The following GPR89B variants were observed in gnomAD, a reference collection of about 807,000 sequenced individuals.
GPR89B encodes the protein golgi pH regulator B.
In GPR89B, 25 loss-of-function variants were observed where a neutral mutation model predicts 52.4. The observed-to-expected ratio is 0.48, with a 90% CI of 0.35 to 0.67. The LOEUF (loss-of-function observed/expected upper bound fraction) is 0.67, where lower values mean the gene tolerates loss of function less well. GPR89B is among the 30% of genes least tolerant of loss of function. The pLI, the probability that GPR89B is intolerant of heterozygous loss-of-function variation, is 0.01. For synonymous variants in GPR89B, 52 were observed against 151.2 expected, an observed-to-expected ratio of 0.34 and a Z score of 4.81; for missense variants, 146 against 450.2, an observed-to-expected ratio of 0.32 and a Z score of 6.11.
At chr1:148,007,137 G>T in the GPR89B span, among the ~76,000 whole-genome samples, 1 of 136,802 alleles carries the variant, frequency 7.3e-6, no homozygotes, top group Non-Finnish European at 1.5e-5. Context: ...GTGCAGTGGC[G>T]CAATCTGAGC....
At chr1:148,007,341 C>G in the GPR89B span, among the ~76,000 whole-genome samples, 1 of 152,172 alleles carries the variant, frequency 6.6e-6, no homozygotes, top group Non-Finnish European at 1.5e-5. Flanking sequence ...TCCCAAAGTG[C>G]TGGGATTACA....
intron 11 of GPR89B, among the ~76,000 whole-genome samples, chr1:147,988,169 A>G (rs2149094402): frequency 6.6e-6 from 1 of 151,846 alleles, no homozygotes; most frequent in East Asian, 1.9e-4. Context: ...CCTGAACTAC[A>G]TAGCAAGACC....
chr1:147,998,443 A>T (rs1368848074), downstream of GPR89B, among the ~76,000 whole-genome samples: 15 of 149,478 alleles, frequency 1.0e-4, no homozygotes, highest in African/African-American at 2.9e-4. Context: ...TCCACAATGG[A>T]GCCTTTCTCT....
At chr1:148,009,940 C>G in the GPR89B span, among the ~76,000 whole-genome samples, 7 of 151,930 alleles carry the variant, frequency 4.6e-5, no homozygotes, top group African/African-American at 1.7e-4. Flanking sequence ...AGAGGAGATT[C>G]GGACATGAGA....
chr1:147,959,153 G>A (rs1357884397), intron 7 of GPR89B, among the ~76,000 whole-genome samples: 1 of 152,080 alleles, frequency 6.6e-6, no homozygotes, highest in African/African-American at 2.4e-5. Context: ...CATTTGTTAT[G>A]TACAAAAAAG....
the GPR89B span, among the ~76,000 whole-genome samples, chr1:148,024,912 A>G: frequency 6.6e-6 from 1 of 152,108 alleles, no homozygotes; most frequent in East Asian, 1.9e-4. Context: ...CTGTGGATGG[A>G]AACACCATCC....
chr1:148,020,416 C>T, the GPR89B span, among the ~76,000 whole-genome samples: 1 of 150,708 alleles, frequency 6.6e-6, no homozygotes, highest in East Asian at 1.9e-4. Context: ...AATCTTGACT[C>T]CTGTTCCCAA....
At chr1:147,968,809 T>C (rs1657218194) in intron 8 of GPR89B, 66 bp from the exon 9 acceptor site, 3 of 1,612,688 alleles carry the variant, frequency 1.9e-6, no homozygotes, top group Non-Finnish European at 2.5e-6. Context: ...TAAAAGTATA[T>C]GCTTTCTCAT....
chr1:147,929,825 G>A (rs1455490098), intron 1 of GPR89B, among the ~76,000 whole-genome samples: 5 of 151,940 alleles, frequency 3.3e-5, no homozygotes, highest in African/African-American at 1.2e-4. Flanking sequence ...CTTTTCTATA[G>A]TTTTCATAAG....
downstream of GPR89B, among the ~76,000 whole-genome samples, chr1:147,997,821 ATGGTCACATAT>A (rs1370019952): frequency 0.028 from 4,203 of 152,242 alleles, 148 homozygotes; most frequent in African/African-American, 0.095. Context: ...CAGCTGTTAT[ATGGTCACATAT>A]TGTAACAAAA....
At chr1:148,009,412 T>G in the GPR89B span, 12 of 1,611,608 alleles carry the variant, frequency 7.4e-6, no homozygotes, top group East Asian at 2.5e-4. Context: ...CGGGGCTGGG[T>G]CCAAGTTTGC....
chr1:147,997,355 C>T (rs1252561600), downstream of GPR89B, among the ~76,000 whole-genome samples: 1 of 152,176 alleles, frequency 6.6e-6, no homozygotes, highest in Non-Finnish European at 1.5e-5. Flanking sequence ...GAGTGAACTA[C>T]AGAAAAGGCA....
At chr1:147,962,224 G>A (rs1358143948) in intron 7 of GPR89B, among the ~76,000 whole-genome samples, 3 of 150,784 alleles carry the variant, frequency 2.0e-5, no homozygotes, top group Admixed American at 2.0e-4. Context: ...AGGAGTTTGA[G>A]ACCATCCTGA....
chr1:147,993,080 AC>A lies in GPR89B; in HGVS notation c.*165del, dbSNP rs1261521527. 2 of 1,554,710 alleles carry A rather than the reference AC, an allele frequency of 1.3e-6. No homozygotes were observed. Among genetic ancestry groups the A allele is most frequent in the African/African-American group, 2.7e-5 (2 of 73,250 alleles). On this transcript the variant is annotated 3_prime_UTR_variant, in exon 14 of 14. Transcript: ENST00000314163. ...TCCTTCCCCCTCAGGTGATACTATG[AC>A]CATGAGTAGCATCAGCCAGAACATG... is the stretch of plus-strand genomic sequence containing the variant.
chr1:147,990,084 T>C (rs1357478115), intron 12 of GPR89B, among the ~76,000 whole-genome samples: 1 of 152,186 alleles, frequency 6.6e-6, no homozygotes, highest in Non-Finnish European at 1.5e-5. Context: ...CCACCAACAG[T>C]GTAAAAGTGT....
At chr1:147,962,054 A>G (rs1461986063) in intron 7 of GPR89B, among the ~76,000 whole-genome samples, 1 of 151,998 alleles carries the variant, frequency 6.6e-6, no homozygotes, top group Non-Finnish European at 1.5e-5. Context: ...ATCTTTAAAC[A>G]TATTATATAG....
chr1:147,943,338 A>G, intron 3 of GPR89B, 100 bp from the exon 4 acceptor site: 3 of 1,582,330 alleles, frequency 1.9e-6, no homozygotes, highest in South Asian at 1.2e-5. Context: ...GATATATTCA[A>G]TATTGAGTCC....
chr1:148,019,837 GA>G, the GPR89B span, among the ~76,000 whole-genome samples: 1 of 151,988 alleles, frequency 6.6e-6, no homozygotes, highest in Non-Finnish European at 1.5e-5. Flanking sequence ...CAGGTGAAGA[GA>G]AGAATTCTGG....
chr1:148,002,588 T>C, the GPR89B span, among the ~76,000 whole-genome samples: 1 of 152,130 alleles, frequency 6.6e-6, no homozygotes, highest in Non-Finnish European at 1.5e-5. Context: ...CTTGCGTAAT[T>C]GTTAGGAGTA....
Sources: gnomAD v4.1 joint callset for allele counts (sites outside exome capture counted in the v4.1 genomes callset) on GRCh38, gnomAD v4.1.1 for gene constraint, MANE v1.5 for transcripts, NCBI Gene and HGNC (gene_info 2026-07-23, HGNC 2026-07-21) for gene names.